The following GABRG3 variants were observed in gnomAD, a reference collection of about 807,000 sequenced individuals.
The protein encoded by GABRG3 is gamma-aminobutyric acid type A receptor subunit gamma3, also known as gamma-aminobutyric acid receptor subunit gamma-3.
In GABRG3, 25 loss-of-function variants were observed where a neutral mutation model predicts 48.8. That is an observed-to-expected ratio of 0.51 (90% CI 0.37 to 0.72). GABRG3 has a LOEUF of 0.72. Among genes scored for constraint, GABRG3 ranks in the 30% least tolerant of loss-of-function variants. The probability of loss-of-function intolerance (pLI) is 0.00; values close to 1 mark genes in which losing one functional copy is unlikely to be tolerated. For missense variants in GABRG3, 394 were observed against 577.9 expected (o/e 0.68, Z 3.26); for synonymous variants, 227 against 217.6 (o/e 1.04, Z -0.38).
chr15:27,483,389 A>G (rs1275188421), intron 6 of GABRG3: 2 of 152,178 alleles, frequency 1.3e-5, no homozygotes, highest in African/African-American at 4.8e-5. Context: ...CTATAGAAAC[A>G]CCAGTCATAT....
intron 6 of GABRG3, among the ~76,000 whole-genome samples, chr15:27,516,679 T>C (rs1891026928): frequency 6.6e-6 from 1 of 152,186 alleles, no homozygotes; most frequent in Non-Finnish European, 1.5e-5. Context: ...TGAGAGCAAA[T>C]AAATGCATGT....
In GABRG3 at chr15:27,179,412, G is replaced by A. The variant is rs968774196; in HGVS notation, c.271-147397G>A. Among the ~76,000 whole-genome samples, 4 of 152,116 alleles carry A rather than the reference G, an allele frequency of 2.6e-5. No individual in the cohort carries two copies. The highest frequency in any genetic ancestry group is 5.9e-5 in the Non-Finnish European group (4 of 68,038). On this transcript the variant is annotated intron_variant, in intron 3 of 9. Coordinates refer to ENST00000615808, the MANE Select transcript of GABRG3 (RefSeq NM_033223.5). This position sits in a 1 kb window ranked among gnomAD's most constrained non-coding sequence, Gnocchi z 4.0. ...TTTTTCCATTTTTGTTGATAATGAT[G>A]CCCTCAGTTTTGTAATTGCTTATTT...
intron 3 of GABRG3, among the ~76,000 whole-genome samples, chr15:27,050,327 CT>C (rs1488532689): frequency 2.0e-5 from 3 of 152,170 alleles, no homozygotes; most frequent in African/African-American, 7.2e-5. Flanking sequence ...CTGGGGCCCC[CT>C]GGTGACCCCA....
chr15:27,363,337 A>C (rs1895084538), intron 5 of GABRG3: 1 of 152,086 alleles, frequency 6.6e-6, no homozygotes, highest in Admixed American at 6.5e-5. Context: ...AGTCCCACCC[A>C]GGAGGATTCC....
intron 3 of GABRG3, among the ~76,000 whole-genome samples, chr15:27,174,584 G>GTCTCTCTCTCTCTCTCTC (rs150022606): frequency 1.3e-4 from 18 of 139,744 alleles, no homozygotes; most frequent in African/African-American, 3.8e-4. Flanking sequence ...TCTCTCTCTC[G>GTCTCTCTCTCTCTCTCTC]TCTCTCTCTC....
chr15:27,349,935 C>CTTTTTTT (rs371119700), intron 5 of GABRG3, among the ~76,000 whole-genome samples: 2 of 144,474 alleles, frequency 1.4e-5, no homozygotes, highest in Non-Finnish European at 1.5e-5. Flanking sequence ...GCCCTAAGGT[C>CTTTTTTT]TTTTTTTTTT....
At chr15:27,187,081 T>A (rs1888121008) in intron 3 of GABRG3, among the ~76,000 whole-genome samples, 1 of 152,228 alleles carries the variant, frequency 6.6e-6, no homozygotes, top group African/African-American at 2.4e-5. Flanking sequence ...TTAATCCATC[T>A]TGAGTTGATT....
chr15:27,321,766 T>C, intron 3 of GABRG3, among the ~76,000 whole-genome samples: 1 of 152,256 alleles, frequency 6.6e-6, no homozygotes, highest in Middle Eastern at 3.2e-3. Flanking sequence ...TTTTTTCATT[T>C]GGTCCTCTTC....
intron 3 of GABRG3, among the ~76,000 whole-genome samples, chr15:27,274,190 T>C (rs774590331): frequency 1.3e-5 from 2 of 152,184 alleles, no homozygotes; most frequent in Non-Finnish European, 2.9e-5. Context: ...GAAGTGACAA[T>C]CCATGTGCCA....
intron 3 of GABRG3, among the ~76,000 whole-genome samples, chr15:27,318,661 G>T (rs535439492): frequency 6.6e-6 from 1 of 152,138 alleles, no homozygotes; most frequent in African/African-American, 2.4e-5. Context: ...TGTTTTTCCT[G>T]GAGGGAATTC....
chr15:27,105,204 G>T (rs977896923), intron 3 of GABRG3, among the ~76,000 whole-genome samples: 1 of 152,114 alleles, frequency 6.6e-6, no homozygotes, highest in Admixed American at 6.5e-5. Context: ...GTTACATAAT[G>T]ATAAAAGGAT....
At chr15:27,398,360 A>G (rs527676835) in intron 5 of GABRG3, among the ~76,000 whole-genome samples, 1 of 152,298 alleles carries the variant, frequency 6.6e-6, no homozygotes, top group South Asian at 2.1e-4. Flanking sequence ...AACCATGCTT[A>G]TTAAATTGAC....
intron 2 of GABRG3, among the ~76,000 whole-genome samples, chr15:27,017,854 C>T (rs974165377): frequency 2.9e-4 from 44 of 152,142 alleles, no homozygotes; most frequent in Admixed American, 3.9e-4. Flanking sequence ...TTCTACTCTG[C>T]CATCTTGCTG....
intron 3 of GABRG3, among the ~76,000 whole-genome samples, chr15:27,192,342 C>A (rs984371623): frequency 2.7e-4 from 41 of 152,304 alleles, no homozygotes; most frequent in African/African-American, 7.5e-4. Context: ...TTCCATTCTC[C>A]CTGTCACTTT....
At chr15:27,240,457 G>A (rs184402845) in intron 3 of GABRG3, among the ~76,000 whole-genome samples, 185 of 152,290 alleles carry the variant, frequency 1.2e-3, no homozygotes, top group Non-Finnish European at 4.4e-4. Flanking sequence ...ATGATTTGGG[G>A]AAGTTACATC....
intron 5 of GABRG3, among the ~76,000 whole-genome samples, chr15:27,455,857 A>G (rs1889260232): frequency 6.6e-6 from 1 of 152,010 alleles, no homozygotes; most frequent in Non-Finnish European, 1.5e-5. Context: ...TGTTGTGTGT[A>G]AACACTTTCT....
At chr15:27,394,815 CT>C (rs1261153449) in intron 5 of GABRG3, among the ~76,000 whole-genome samples, 1 of 152,084 alleles carries the variant, frequency 6.6e-6, no homozygotes, top group East Asian at 1.9e-4. Context: ...GACAAGTCAG[CT>C]TTTGATCTTG....
chr15:27,334,562 T>G (rs1893901559), intron 5 of GABRG3, among the ~76,000 whole-genome samples: 1 of 152,204 alleles, frequency 6.6e-6, no homozygotes, highest in African/African-American at 2.4e-5. Context: ...CTGGTCACAC[T>G]AATGCATGGC....
At chr15:27,011,988 T>C (rs940093982) in intron 2 of GABRG3, among the ~76,000 whole-genome samples, 3 of 152,206 alleles carry the variant, frequency 2.0e-5, no homozygotes, top group Non-Finnish European at 4.4e-5. Flanking sequence ...GATAACTAAA[T>C]AGCTTACTTT....
Sources: allele counts gnomAD v4.1 joint callset (sites outside exome capture counted in the v4.1 genomes callset), GRCh38; gene constraint gnomAD v4.1.1; non-coding constraint Gnocchi (gnomAD v3.1); transcripts MANE v1.5; gene names NCBI Gene and HGNC (gene_info 2026-07-23, HGNC 2026-07-21).